Variants in SV2C observed in about 807,000 individuals in gnomAD.
The protein encoded by SV2C is solute carrier family 22 member B3.
In SV2C, 49 loss-of-function variants were observed where a neutral mutation model predicts 79.7. The ratio of observed to expected loss-of-function variants is 0.61; its 90% CI spans 0.49 to 0.78. The LOEUF is 0.78. SV2C is among the 30% of genes least tolerant of loss of function. The probability of loss-of-function intolerance (pLI) is 0.00; values close to 1 mark genes in which losing one functional copy is unlikely to be tolerated. For synonymous variants in SV2C, 334 were observed against 333.2 expected (o/e 1.00, Z -0.03); for missense variants, 833 against 912.9 (o/e 0.91, Z 1.13).
chr5:76,015,772 C>G, the SV2C span, among the ~76,000 whole-genome samples: 1 of 152,052 alleles, frequency 6.6e-6, no homozygotes, highest in Non-Finnish European at 1.5e-5. Context: ...GCGGCAAAAT[C>G]ATTTAAATAT....
At chr5:76,024,040 T>A in the SV2C span, among the ~76,000 whole-genome samples, 1 of 152,028 alleles carries the variant, frequency 6.6e-6, no homozygotes. Context: ...TGAGAATCAC[T>A]GATAGAGAGT....
At chr5:76,120,498 C>T (rs1748449265) in intron 1 of SV2C, among the ~76,000 whole-genome samples, 1 of 136,370 alleles carries the variant, frequency 7.3e-6, no homozygotes, top group Admixed American at 7.2e-5. Context: ...GGTGTATATC[C>T]CAGTGCTATC....
exon 13 of SV2C, chr5:76,353,816 G>A (rs1749687621): frequency 6.6e-6 from 1 of 152,090 alleles, no homozygotes; most frequent in Non-Finnish European, 1.5e-5. Flanking sequence ...CCCACCCTGA[G>A]GCTTTTAACT....
the SV2C span, among the ~76,000 whole-genome samples, chr5:75,858,336 A>T: frequency 2.6e-5 from 4 of 152,112 alleles, no homozygotes; most frequent in African/African-American, 9.7e-5. Flanking sequence ...TTATCAAATG[A>T]CTGTTCAGCA....
At chr5:76,181,974 CCTGACCTTTCCAACCTTCT>C (rs1468632840) in intron 2 of SV2C, among the ~76,000 whole-genome samples, 5 of 152,216 alleles carry the variant, frequency 3.3e-5, no homozygotes, top group East Asian at 3.8e-4. Flanking sequence ...CACCTATCCT[CCTGACCTTTCCAACCTTCT>C]CATGCCTCCT....
the SV2C span, among the ~76,000 whole-genome samples, chr5:76,053,391 T>C: frequency 1.3e-5 from 2 of 152,208 alleles, no homozygotes; most frequent in South Asian, 2.1e-4. Flanking sequence ...AAATATCAGA[T>C]ACTTTGATCC....
At chr5:76,313,878 A>G (rs1748537521) in intron 12 of SV2C, among the ~76,000 whole-genome samples, 1 of 152,228 alleles carries the variant, frequency 6.6e-6, no homozygotes, top group African/African-American at 2.4e-5. Flanking sequence ...GGTCATTAAC[A>G]AACCTTCTCA....
chr5:75,915,449 A>G, the SV2C span, among the ~76,000 whole-genome samples: 269 of 152,322 alleles, frequency 1.8e-3, 4 homozygotes, highest in Admixed American at 0.014. Flanking sequence ...TAATTGTTGA[A>G]TCAGTTAAGC....
the SV2C span, chr5:75,920,652 G>A: frequency 1.6e-6 from 1 of 640,288 alleles, no homozygotes; most frequent in Non-Finnish European, 2.8e-6. Flanking sequence ...GGGGGTGGGT[G>A]GGAGGAACTG....
chr5:76,071,087 G>C, the SV2C span, among the ~76,000 whole-genome samples: 1 of 152,230 alleles, frequency 6.6e-6, no homozygotes, highest in African/African-American at 2.4e-5. Context: ...AAAAAGGGTA[G>C]ACGCTTCTTT....
At chr5:76,268,707 GCTACACT>G (rs1173848254) in intron 4 of SV2C, among the ~76,000 whole-genome samples, 3 of 152,174 alleles carry the variant, frequency 2.0e-5, no homozygotes, top group Non-Finnish European at 4.4e-5. Context: ...GATGGAGAAT[GCTACACT>G]CTTACTAAAA....
At chr5:76,046,846 T>G in the SV2C span, among the ~76,000 whole-genome samples, 1 of 152,222 alleles carries the variant, frequency 6.6e-6, no homozygotes, top group Non-Finnish European at 1.5e-5. Context: ...ATGACTGCCC[T>G]TGCTCATTCA....
intron 3 of SV2C, among the ~76,000 whole-genome samples, chr5:76,201,053 C>T (rs1744425231): frequency 1.3e-5 from 2 of 152,198 alleles, no homozygotes; most frequent in Admixed American, 1.3e-4. Flanking sequence ...CTTAGAAACA[C>T]AAATATGTCC....
At chr5:75,941,256 G>A in the SV2C span, among the ~76,000 whole-genome samples, 2 of 152,166 alleles carry the variant, frequency 1.3e-5, no homozygotes, top group African/African-American at 4.8e-5. Context: ...AAAATTGGTT[G>A]CGTCTTTAAT....
chr5:75,919,301 T>C, the SV2C span, among the ~76,000 whole-genome samples: 1 of 152,150 alleles, frequency 6.6e-6, no homozygotes, highest in Non-Finnish European at 1.5e-5. Context: ...CCCCTATCGG[T>C]GTGTTTCAGA....
intron 2 of SV2C, among the ~76,000 whole-genome samples, chr5:76,138,973 G>A (rs367559561): frequency 6.6e-6 from 1 of 152,104 alleles, no homozygotes; most frequent in African/African-American, 2.4e-5. Flanking sequence ...AAAAAAATTA[G>A]TCGGGTGTGG....
At chr5:75,849,639 A>G in the SV2C span, among the ~76,000 whole-genome samples, 1 of 152,192 alleles carries the variant, frequency 6.6e-6, no homozygotes, top group Non-Finnish European at 1.5e-5. Context: ...ATTTTTCTCT[A>G]TTAAAAATGT....
intron 2 of SV2C, among the ~76,000 whole-genome samples, chr5:76,149,753 T>C (rs1749544439): frequency 6.6e-6 from 1 of 152,246 alleles, no homozygotes; most frequent in Admixed American, 6.5e-5. Context: ...GGCTTATTTA[T>C]GCTGGTCTTT....
At chr5:76,144,343 G>A (rs1436002355) in intron 2 of SV2C, among the ~76,000 whole-genome samples, 1 of 152,160 alleles carries the variant, frequency 6.6e-6, no homozygotes, top group Non-Finnish European at 1.5e-5. Context: ...CTTACCTTGT[G>A]GGGCTGCCAT....
Sources: gnomAD v4.1 joint callset for allele counts (sites outside exome capture counted in the v4.1 genomes callset) on GRCh38, gnomAD v4.1.1 for gene constraint, MANE v1.5 for transcripts, NCBI Gene and HGNC (gene_info 2026-07-23, HGNC 2026-07-21) for gene names.